RAB27B: variants seen among roughly 807,000 people sequenced by gnomAD.
RAB27B encodes the protein RAB27B, member RAS oncogene family.
RAB27B carries 15 observed loss-of-function variants against 24.6 expected under a neutral mutation model. The ratio of observed to expected loss-of-function variants is 0.61; its 90% confidence interval spans 0.41 to 0.94. RAB27B has a LOEUF of 0.94. Among genes scored for constraint, RAB27B ranks in the 40% least tolerant of loss-of-function variants. The probability of loss-of-function intolerance (pLI) is 0.00; values close to 1 mark genes in which losing one functional copy is unlikely to be tolerated. For missense variants in RAB27B, 261 were observed against 266.8 expected (o/e 0.98, Z 0.15); for synonymous variants, 105 against 92.5 (o/e 1.14, Z -0.78).
chr18:54,855,262 A>G (rs937671543), intron 1 of RAB27B, among the ~76,000 whole-genome samples: 10 of 152,176 alleles, frequency 6.6e-5, no homozygotes, highest in African/African-American at 2.4e-4. Flanking sequence ...GCAGATGTAA[A>G]TACAGATGAA....
intron 1 of RAB27B, among the ~76,000 whole-genome samples, chr18:54,838,973 T>C (rs1911001794): frequency 6.6e-6 from 1 of 152,158 alleles, no homozygotes; most frequent in Non-Finnish European, 1.5e-5. Flanking sequence ...ACAAATCTCT[T>C]GTTTTATAAA....
At chr18:54,855,371 G>T (rs543737415) in intron 1 of RAB27B, among the ~76,000 whole-genome samples, 5 of 152,310 alleles carry the variant, frequency 3.3e-5, no homozygotes, top group Admixed American at 1.3e-4. Context: ...TGGCATGAGG[G>T]TTGGGGACCC....
chr18:54,755,491 C>G (rs1907976085), intron 2 of RAB27B, among the ~76,000 whole-genome samples: 1 of 152,168 alleles, frequency 6.6e-6, no homozygotes, highest in East Asian at 1.9e-4. Context: ...GGGAGAGTCT[C>G]TAGAATTCTT....
intron 1 of RAB27B, among the ~76,000 whole-genome samples, chr18:54,834,821 G>T (rs1176818896): frequency 2.0e-5 from 3 of 150,264 alleles, no homozygotes; most frequent in East Asian, 3.9e-4. Context: ...TTCTGGCTTC[G>T]TTCTAGCACA....
At chr18:54,800,221 T>C (rs958181956) in intron 2 of RAB27B, among the ~76,000 whole-genome samples, 1 of 152,252 alleles carries the variant, frequency 6.6e-6, no homozygotes, top group African/African-American at 2.4e-5. Context: ...TATTTAACTA[T>C]TGTAAATGGA....
chr18:54,771,751 T>G (rs1908559077), intron 2 of RAB27B, among the ~76,000 whole-genome samples: 1 of 152,084 alleles, frequency 6.6e-6, no homozygotes, highest in African/African-American at 2.4e-5. Context: ...GTAGGGGATA[T>G]TTCTACTTAT....
At chr18:54,774,582 T>C (rs1234074520) in intron 2 of RAB27B, among the ~76,000 whole-genome samples, 1 of 152,234 alleles carries the variant, frequency 6.6e-6, no homozygotes, top group Non-Finnish European at 1.5e-5. Context: ...AGTAAAAATG[T>C]AAGCAACTGA....
At chr18:54,889,170 G>A in intron 5 of RAB27B, 54 bp from the exon 6 acceptor site, 7 of 1,503,606 alleles carry the variant, frequency 4.7e-6, no homozygotes, top group Non-Finnish European at 6.3e-6. Flanking sequence ...ACATCTTGCT[G>A]TATCTGTTCT....
At chr18:54,867,442 CTTTTTTTTTTT>C (rs548288719) in intron 1 of RAB27B, among the ~76,000 whole-genome samples, 1 of 98,754 alleles carries the variant, frequency 1.0e-5, no homozygotes, top group Non-Finnish European at 2.0e-5. Context: ...CTTTTCTTTT[CTTTTTTTTTTT>C]TTTTTTTTTC....
At chr18:54,884,834 G>A (rs1379903479) in intron 4 of RAB27B, among the ~76,000 whole-genome samples, 1 of 152,114 alleles carries the variant, frequency 6.6e-6, no homozygotes, top group Non-Finnish European at 1.5e-5. Flanking sequence ...TATTTTCTGA[G>A]GGGACACTGG....
intron 1 of RAB27B, among the ~76,000 whole-genome samples, chr18:54,864,003 T>C (rs1282764696): frequency 6.6e-6 from 1 of 152,190 alleles, no homozygotes; most frequent in Admixed American, 6.5e-5. Flanking sequence ...TGAATATATG[T>C]TTTCATTTCT....
At chr18:54,869,674 C>A (rs1285087465) in intron 1 of RAB27B, among the ~76,000 whole-genome samples, 6 of 152,098 alleles carry the variant, frequency 3.9e-5, no homozygotes, top group Non-Finnish European at 8.8e-5. Flanking sequence ...GGATTAATAA[C>A]CTAGGTTATA....
chr18:54,874,471 G>T (rs768474341), intron 1 of RAB27B, among the ~76,000 whole-genome samples: 9 of 151,384 alleles, frequency 5.9e-5, no homozygotes, highest in Non-Finnish European at 1.3e-4. Flanking sequence ...TCATCTTTGG[G>T]CCTGACACTA....
intron 2 of RAB27B, among the ~76,000 whole-genome samples, chr18:54,728,610 C>T (rs1598861494): frequency 6.6e-6 from 1 of 152,070 alleles, no homozygotes; most frequent in Non-Finnish European, 1.5e-5. Flanking sequence ...TGTGGTGGCT[C>T]ATGCCTGTAA....
intron 2 of RAB27B, among the ~76,000 whole-genome samples, chr18:54,762,504 C>T (rs1363110484): frequency 1.3e-5 from 2 of 152,176 alleles, no homozygotes; most frequent in Non-Finnish European, 2.9e-5. Flanking sequence ...CTCCTACTCC[C>T]GCTCTTGTTC....
chr18:54,871,050 T>C (rs1246069675), intron 1 of RAB27B, among the ~76,000 whole-genome samples: 1 of 152,230 alleles, frequency 6.6e-6, no homozygotes, highest in Admixed American at 6.5e-5. Flanking sequence ...AAATGTTATT[T>C]AGAGAAAAAG....
intron 1 of RAB27B, among the ~76,000 whole-genome samples, chr18:54,842,929 G>A (rs1307056101): frequency 6.6e-6 from 1 of 151,980 alleles, no homozygotes; most frequent in Non-Finnish European, 1.5e-5. Flanking sequence ...CTAGTAGCTG[G>A]AACTACAGGC....
intron 1 of RAB27B, among the ~76,000 whole-genome samples, chr18:54,858,427 C>G (rs1598966842): frequency 6.7e-6 from 1 of 148,844 alleles, no homozygotes. Context: ...CTCTGTCTCC[C>G]AGGCTGGAGT....
At chr18:54,850,356 A>ATATATATATATATATATATATATG (rs1304515980) in intron 1 of RAB27B, among the ~76,000 whole-genome samples, 81 of 139,220 alleles carry the variant, frequency 5.8e-4, no homozygotes, top group African/African-American at 2.2e-3. Flanking sequence ...ATATATATAT[A>ATATATATATATATATATATATATG]TATACATACA....
Sources: allele counts gnomAD v4.1 joint callset (sites outside exome capture counted in the v4.1 genomes callset), GRCh38; gene constraint gnomAD v4.1.1; transcripts MANE v1.5; gene names NCBI Gene and HGNC (gene_info 2026-07-23, HGNC 2026-07-21).